RIPOR2: variants seen among roughly 807,000 people sequenced by gnomAD.
RIPOR2 encodes the protein RHO family interacting cell polarization regulator 2, also known as rho family-interacting cell polarization regulator 2.
In RIPOR2, 39 loss-of-function variants were observed where a neutral mutation model predicts 114.5. The ratio of observed to expected loss-of-function variants is 0.34; its 90% CI spans 0.26 to 0.44. The LOEUF is 0.44. Among genes scored for constraint, RIPOR2 ranks in the 20% least tolerant of loss-of-function variants. RIPOR2 has a pLI of 1.00. For missense variants in RIPOR2, 1,007 were observed against 1,255.1 expected (o/e 0.80, Z 2.99); for synonymous variants, 445 against 484.4 (o/e 0.92, Z 1.07).
At chr6:24,807,371 G>A (rs1215662692) in intron 21 of RIPOR2, among the ~76,000 whole-genome samples, 1 of 152,180 alleles carries the variant, frequency 6.6e-6, no homozygotes, top group East Asian at 1.9e-4. Context: ...TACTTGGGAG[G>A]CTGAGGCAGG....
Position 24,839,158 on chromosome 6 carries a change from C to T in RIPOR2, c.1972G>A (p.Asp658Asn). 1 of 1,551,748 alleles carries T rather than the reference C, an allele frequency of 6.4e-7. No homozygotes were observed. Among genetic ancestry groups the T allele is most frequent in the Non-Finnish European group, 8.7e-7 (1 of 1,146,994 alleles). The change falls in exon 14 of 22, where the codon GAT (aspartate) becomes AAT (asparagine). Residue 658 changes from aspartate to asparagine, a missense_variant. Asp to Asn is a conservative substitution (Grantham distance 23, BLOSUM62 1). Transcript: ENST00000643898. ...CCTCCGCCAACATTACAAACCTCATCACCATCCTCCTCCTCGTCAAAATCA... is the reference window on the plus strand; with the variant it reads ...CCTCCGCCAACATTACAAACCTCATTACCATCCTCCTCCTCGTCAAAATCA... ...TSDFDEEEDG[D>N]EVCNVGGGAD... is the part of the protein sequence containing the mutation.
Position 24,842,995 on chromosome 6 carries a change from C to G in RIPOR2, c.1724G>C (p.Cys575Ser). 6.3e-7 allele frequency: 1 copy of G among 1,586,456 alleles called. No homozygotes were observed. Among genetic ancestry groups the G allele is most frequent in the Non-Finnish European group, 8.6e-7 (1 of 1,165,404 alleles). Residue 575 changes from cysteine to serine, a missense_variant, in exon 13 of 22, where the codon TGC becomes TCC. Coordinates refer to ENST00000643898, the MANE Select transcript of RIPOR2 (RefSeq NM_001286445.3). ...TAAGCTTCCATCTAGAAAGGATCTG[C>G]AGCCTTCAGATTCTCCACCAACAGA... ...EGSVGGESEG[C>S]RSFLDGSLED...
At chr6:25,036,037 G>A (rs973951714) in intron 1 of RIPOR2, among the ~76,000 whole-genome samples, 2 of 152,168 alleles carry the variant, frequency 1.3e-5, no homozygotes, top group African/African-American at 4.8e-5. Context: ...GCCCTCCTTC[G>A]AAGTCCCACA....
At chr6:24,906,249 T>C (rs1018096182) in intron 1 of RIPOR2, among the ~76,000 whole-genome samples, 1 of 152,142 alleles carries the variant, frequency 6.6e-6, no homozygotes, top group Non-Finnish European at 1.5e-5. Flanking sequence ...TACCTACCAT[T>C]GGGTAGGCAG....
At chr6:25,013,325 G>T (rs532581936) in intron 1 of RIPOR2, among the ~76,000 whole-genome samples, 1 of 152,052 alleles carries the variant, frequency 6.6e-6, no homozygotes, top group African/African-American at 2.4e-5. Flanking sequence ...TGAAGACCAC[G>T]GGTGTTCCTT....
intron 1 of RIPOR2, among the ~76,000 whole-genome samples, chr6:25,009,888 T>G (rs1223373021): frequency 6.6e-6 from 1 of 151,918 alleles, no homozygotes. Context: ...CTGGGCCAAG[T>G]GGGTTTTGTG....
chr6:24,875,891 T>C, intron 1 of RIPOR2, 74 bp from the exon 2 acceptor site: 1 of 1,371,282 alleles, frequency 7.3e-7, no homozygotes, highest in Non-Finnish European at 1.0e-6. Context: ...TTGTCAACAA[T>C]GATAAAGGAT....
chr6:24,895,377 C>T (rs1460906291), intron 1 of RIPOR2, among the ~76,000 whole-genome samples: 1 of 151,976 alleles, frequency 6.6e-6, no homozygotes, highest in East Asian at 1.9e-4. Flanking sequence ...AATGTCATTG[C>T]CCAAGCCTCA....
intron 1 of RIPOR2, among the ~76,000 whole-genome samples, chr6:24,946,928 T>C (rs1772448057): frequency 6.6e-6 from 1 of 152,194 alleles, no homozygotes; most frequent in Non-Finnish European, 1.5e-5. Context: ...CGTGGCTTCT[T>C]TTCAGTATAT....
At chr6:24,908,782 TG>T (rs1286078214) in intron 1 of RIPOR2, among the ~76,000 whole-genome samples, 2 of 152,136 alleles carry the variant, frequency 1.3e-5, no homozygotes, top group East Asian at 3.8e-4. Context: ...CAACCTTGGG[TG>T]GGTCCCTTCT....
At position 24,874,161 on chromosome 6, in the gene RIPOR2, A is replaced by G. The variant is rs951381304; in HGVS notation, c.189-362T>C. On this transcript the variant is annotated intron_variant, in intron 2 of 21. Transcript: ENST00000643898. ...TCCTCCTGCCTCAGCCTCCCGAGGT[A>G]CTGGGACCACAGGCATGCACCACCA... Among the ~76,000 whole-genome samples the G allele has an allele frequency of 3.9e-5, 6 of 152,134 alleles. No homozygotes were observed. The East Asian group carries it at 1.2e-3, about 29-fold the overall frequency.
intron 1 of RIPOR2, among the ~76,000 whole-genome samples, chr6:24,947,489 A>G (rs762664191): frequency 2.0e-5 from 3 of 152,228 alleles, no homozygotes; most frequent in African/African-American, 7.2e-5. Flanking sequence ...AACAGTGAAA[A>G]CAAAACCCCA....
intron 1 of RIPOR2, among the ~76,000 whole-genome samples, chr6:25,032,305 C>G (rs1777028778): frequency 6.6e-6 from 1 of 151,984 alleles, no homozygotes; most frequent in African/African-American, 2.4e-5. Flanking sequence ...GCAAGTATCT[C>G]AGACTCCGTT....
rs193012245 is a variant in RIPOR2, at chr6:24,819,525, T to C, written c.2869-900A>G. Among the ~76,000 whole-genome samples, 404 of 152,156 alleles carry C rather than the reference T, an allele frequency of 2.7e-3. 2 individuals carry two copies. Among genetic ancestry groups the C allele is most frequent in the African/African-American group, 7.0e-3 (290 of 41,546 alleles). ...CTGCATAAAAGTACATTATCTTTTT[T>C]TTTTTTGAGACAGAATCTCGCTCTG... is the stretch of plus-strand genomic sequence containing the variant. On this transcript the variant is annotated intron_variant, in intron 19 of 21. Coordinates refer to ENST00000643898, the MANE Select transcript of RIPOR2 (RefSeq NM_001286445.3).
At chr6:24,969,214 G>A (rs548403684) in intron 1 of RIPOR2, among the ~76,000 whole-genome samples, 5 of 152,254 alleles carry the variant, frequency 3.3e-5, no homozygotes, top group Non-Finnish European at 5.9e-5. Context: ...GGGTGATGCC[G>A]TTACTGTTAT....
intron 1 of RIPOR2, among the ~76,000 whole-genome samples, chr6:25,008,202 A>AT (rs11368960): frequency 0.58 from 87,142 of 150,204 alleles, 25,775 homozygotes; most frequent in African/African-American, 0.65. Flanking sequence ...TAAGTTAAGC[A>AT]TTTTTTTTTT....
intron 1 of RIPOR2, among the ~76,000 whole-genome samples, chr6:25,026,156 A>G (rs551854053): frequency 6.6e-6 from 1 of 152,338 alleles, no homozygotes; most frequent in South Asian, 2.1e-4. Context: ...GAATGAACAA[A>G]ACCACTAAAA....
chr6:25,002,261 G>T (rs1203348430), intron 1 of RIPOR2, among the ~76,000 whole-genome samples: 1 of 152,084 alleles, frequency 6.6e-6, no homozygotes. Flanking sequence ...TATAAGTATT[G>T]GGTATTTTCT....
chr6:24,911,057 G>A, intron 1 of RIPOR2: 1 of 854,614 alleles, frequency 1.2e-6, no homozygotes, highest in Non-Finnish European at 1.4e-6. Context: ...GTGAAGTTGC[G>A]GGGCTGGCGG....
Sources: gnomAD v4.1 joint callset for allele counts (sites outside exome capture counted in the v4.1 genomes callset) on GRCh38, gnomAD v4.1.1 for gene constraint, MANE v1.5 for transcripts, NCBI Gene and HGNC (gene_info 2026-07-23, HGNC 2026-07-21) for gene names.